PRR16: variants seen among roughly 807,000 people sequenced by gnomAD.
The protein encoded by PRR16 is protein Largen.
A neutral mutation model predicts 18.2 loss-of-function variants in PRR16; 6 were observed. The ratio of observed to expected loss-of-function variants is 0.33; its 90% confidence interval spans 0.18 to 0.65. The LOEUF (loss-of-function observed/expected upper bound fraction) is 0.65, where lower values mean the gene tolerates loss of function less well. PRR16 is among the 30% of genes least tolerant of loss of function. PRR16 has a pLI of 0.74. For synonymous variants in PRR16, 151 were observed against 147.8 expected, an observed-to-expected ratio of 1.02 and a Z score of -0.16; for missense variants, 412 against 376.6, an observed-to-expected ratio of 1.09 and a Z score of -0.78.
chr5:120,519,732 A>T (rs932226363), intron 1 of PRR16, among the ~76,000 whole-genome samples: 13 of 152,072 alleles, frequency 8.5e-5, no homozygotes, highest in African/African-American at 3.1e-4. Context: ...AGCAGCTTTT[A>T]TTTTTTAAAA....
chr5:120,771,211 T>A, the PRR16 span, among the ~76,000 whole-genome samples: 1 of 152,020 alleles, frequency 6.6e-6, no homozygotes, highest in Non-Finnish European at 1.5e-5. Context: ...TATTAAACAT[T>A]TTAAAGATTA....
the PRR16 span, among the ~76,000 whole-genome samples, chr5:120,776,480 G>A: frequency 6.6e-6 from 1 of 152,106 alleles, no homozygotes; most frequent in South Asian, 2.1e-4. Context: ...CATGGAAGGA[G>A]TGAAATGAAA....
At chr5:120,703,770 G>T in the PRR16 span, among the ~76,000 whole-genome samples, 1 of 152,174 alleles carries the variant, frequency 6.6e-6, no homozygotes, top group Non-Finnish European at 1.5e-5. Context: ...GTTAAAAAGT[G>T]TGACATTTAC....
intron 1 of PRR16, among the ~76,000 whole-genome samples, chr5:120,580,770 G>C (rs1753245994): frequency 6.6e-6 from 1 of 152,208 alleles, no homozygotes; most frequent in Admixed American, 6.6e-5. Context: ...GAACTTTTCT[G>C]CATCTATTGA....
chr5:120,780,906 T>G, the PRR16 span, among the ~76,000 whole-genome samples: 1 of 152,048 alleles, frequency 6.6e-6, no homozygotes, highest in East Asian at 1.9e-4. Flanking sequence ...AAAAATTAGT[T>G]GGGCGTGGTG....
the PRR16 span, among the ~76,000 whole-genome samples, chr5:120,711,337 A>G: frequency 3.9e-5 from 6 of 152,284 alleles, no homozygotes; most frequent in Middle Eastern, 0.01. Context: ...CTCCCACCAG[A>G]TTATAGACTC....
At chr5:120,658,350 G>GA (rs70985235) in intron 1 of PRR16, 107,400 of 143,154 alleles carry the variant, frequency 0.75, 40,146 homozygotes, top group East Asian at 0.87. Flanking sequence ...ATGAGTGGGG[G>GA]AAAAAAAAAA....
chr5:120,606,496 G>A (rs920968220), intron 1 of PRR16, among the ~76,000 whole-genome samples: 2 of 151,528 alleles, frequency 1.3e-5, no homozygotes, highest in Non-Finnish European at 2.9e-5. Context: ...TACTGGTTTG[G>A]TAAACTAGTT....
the PRR16 span, among the ~76,000 whole-genome samples, chr5:120,777,027 G>A: frequency 2.0e-5 from 3 of 152,138 alleles, no homozygotes; most frequent in Admixed American, 6.5e-5. Context: ...GAAATTTGGT[G>A]TAAATTAAAA....
intron 1 of PRR16, among the ~76,000 whole-genome samples, chr5:120,530,707 A>G (rs1751523239): frequency 1.3e-5 from 2 of 152,090 alleles, no homozygotes; most frequent in African/African-American, 4.8e-5. Flanking sequence ...TATAGGAGAT[A>G]TTGGGGAGAT....
intron 1 of PRR16, chr5:120,617,039 T>G (rs1754532613): frequency 1.2e-6 from 1 of 868,846 alleles, no homozygotes; most frequent in Admixed American, 6.2e-5. Context: ...CCAGTGTTTT[T>G]TGGAAAGTCT....
chr5:120,494,041 A>G (rs151063894), intron 1 of PRR16, among the ~76,000 whole-genome samples: 224 of 152,292 alleles, frequency 1.5e-3, no homozygotes, highest in African/African-American at 5.1e-3. Context: ...TTTCTCTACA[A>G]TAAATGTCCA....
chr5:120,655,564 C>A (rs1179397786), intron 1 of PRR16, among the ~76,000 whole-genome samples: 1 of 151,682 alleles, frequency 6.6e-6, no homozygotes, highest in Non-Finnish European at 1.5e-5. Flanking sequence ...TTTAGTGCTT[C>A]ATTTTCCCCC....
At chr5:120,605,732 C>A (rs1259721107) in intron 1 of PRR16, among the ~76,000 whole-genome samples, 1 of 152,040 alleles carries the variant, frequency 6.6e-6, no homozygotes, top group East Asian at 1.9e-4. Flanking sequence ...ATTGTGATAT[C>A]AGTTGGGTTT....
chr5:120,690,228 G>A (rs545723261), downstream of PRR16, among the ~76,000 whole-genome samples: 2 of 152,288 alleles, frequency 1.3e-5, no homozygotes, highest in African/African-American at 4.8e-5. Flanking sequence ...ACAAGACCTT[G>A]AATCTACAGA....
intron 1 of PRR16, among the ~76,000 whole-genome samples, chr5:120,506,237 G>GT (rs1431145735): frequency 6.6e-6 from 1 of 151,782 alleles, no homozygotes; most frequent in Non-Finnish European, 1.5e-5. Context: ...TAAAAAGTAG[G>GT]TTTTAGGTAT....
At chr5:120,749,591 C>T in the PRR16 span, among the ~76,000 whole-genome samples, 1 of 152,106 alleles carries the variant, frequency 6.6e-6, no homozygotes, top group African/African-American at 2.4e-5. Flanking sequence ...GTGCTATTCT[C>T]AATAGGCATT....
intron 1 of PRR16, among the ~76,000 whole-genome samples, chr5:120,591,488 G>A (rs1356882292): frequency 1.3e-5 from 2 of 151,766 alleles, no homozygotes; most frequent in Non-Finnish European, 2.9e-5. Context: ...AAGATGTACA[G>A]TGTATCTGCA....
chr5:120,597,273 T>C (rs10037806), intron 1 of PRR16, among the ~76,000 whole-genome samples: 102,152 of 151,278 alleles, frequency 0.68, 35,347 homozygotes, highest in East Asian at 0.85. Flanking sequence ...TATTATATCT[T>C]ATAATTTACA....
Sources: allele counts gnomAD v4.1 joint callset (sites outside exome capture counted in the v4.1 genomes callset), GRCh38; gene constraint gnomAD v4.1.1; transcripts MANE v1.5; gene names NCBI Gene and HGNC (gene_info 2026-07-23, HGNC 2026-07-21).